The following MMP23B variants were observed in gnomAD, a reference collection of about 807,000 sequenced individuals.
The protein encoded by MMP23B is matrix metallopeptidase 23B.
Under a neutral mutation model 17.3 loss-of-function variants are expected in MMP23B, and 8 were observed. The ratio of observed to expected loss-of-function variants is 0.46; its 90% CI spans 0.27 to 0.83. The LOEUF (loss-of-function observed/expected upper bound fraction) is 0.83. Among genes scored for constraint, MMP23B ranks in the 40% least tolerant of loss-of-function variants. The pLI is 0.14. For missense variants in MMP23B, 154 were observed against 246.2 expected, an observed-to-expected ratio of 0.63 and a Z score of 2.51; for synonymous variants, 86 against 116.5, an observed-to-expected ratio of 0.74 and a Z score of 1.69.
intron 1 of MMP23B, 70 bp from the exon 2 acceptor site, chr1:1,632,713 A>G: frequency 4.0e-6 from 1 of 252,126 alleles, no homozygotes; most frequent in Non-Finnish European, 7.0e-6. Flanking sequence ...CTTCCAGTCC[A>G]TTTTCCGCGG....
intron 1 of MMP23B, 127 bp from the exon 2 acceptor site, chr1:1,632,628 TAGGAGACCCGAAACCACAGGCAGACAGG>T (rs1419158114): frequency 3.1e-6 from 1 of 319,686 alleles, no homozygotes; most frequent in African/African-American, 2.6e-5. Context: ...GCGCTCAGGT[TAGGAGACCCGAAACCACAGGCAGACAGG>T]ACCCGCCACG....
rs912489128 is a variant in MMP23B, at chr1:1,632,351, G to A, written c.133G>A (p.Val45Met). 2 of 1,391,246 alleles carry A rather than the reference G, an allele frequency of 1.4e-6. No homozygotes were observed. The highest frequency in any genetic ancestry group is 3.5e-5 in the Admixed American group (1 of 28,760). 86.2% of individuals were successfully genotyped at this position (1,391,246 alleles called of 1,614,324 possible). A position where few individuals can be genotyped will look rare whatever the true frequency, so the allele number is the denominator to read the frequency against. Residue 45 changes from valine to methionine, a missense_variant, in exon 1 of 8, where the codon GTG (valine) becomes ATG (methionine). Coordinates refer to ENST00000356026, the MANE Select transcript of MMP23B (RefSeq NM_006983.2). ...VLLARLGAPA[V>M]PAWSAAQGDV... The stretch of plus-strand genomic sequence containing the variant: ...GCTGGCCCGGCTGGGGGCCCCGGCG[G>A]TGCCGGCCTGGAGCGCAGCGCAGGT...
In MMP23B at chr1:1,632,200, GC is replaced by G; in HGVS notation, c.-15del. On this transcript the variant is annotated 5_prime_UTR_variant, in exon 1 of 8. Transcript: ENST00000356026. Reference sequence around the variant, plus strand: ...GCCTTGCTGCCCCATGCAGCCCTGAGCCCCACAGCAAGTCTGCCATGGGCCG... The same window carrying G: ...GCCTTGCTGCCCCATGCAGCCCTGAGCCCACAGCAAGTCTGCCATGGGCCG... The G allele has an allele frequency of 7.7e-7, 1 of 1,295,442 alleles. No individual in the cohort carries two copies. Among genetic ancestry groups the G allele is most frequent in the South Asian group, 2.6e-5 (1 of 38,874 alleles). The allele number at this position is 1,295,442 out of a possible 1,614,324, so 80.2% of individuals were successfully genotyped here.
chr1:1,632,341 G>T lies in MMP23B; in HGVS notation c.123G>T (p.Gly41=). ...LPALVLLARL[G]APAVPAWSAA... ...CGCTGGTGCTGCTGGCCCGGCTGGGGGCCCCGGCGGTGCCGGCCTGGAGCG... is the reference window on the plus strand; with the variant it reads ...CGCTGGTGCTGCTGGCCCGGCTGGGTGCCCCGGCGGTGCCGGCCTGGAGCG... The change falls in exon 1 of 8, where the codon GGG becomes GGT. Residue 41 remains glycine, a synonymous_variant. Transcript: ENST00000356026. 1.4e-6 allele frequency: 2 copies of T among 1,404,226 alleles called. No homozygotes were observed. The highest frequency in any genetic ancestry group is 1.8e-6 in the Non-Finnish European group (2 of 1,088,064). The allele number at this position is 1,404,226 out of a possible 1,614,324, so 87.0% of individuals were successfully genotyped here.
At position 1,634,086 on chromosome 1, in the gene MMP23B, C is replaced by G. The variant is rs1639059768; in HGVS notation, c.858C>G (p.Cys286Trp). 1 of 881,782 alleles carries G rather than the reference C, an allele frequency of 1.1e-6. No homozygotes were observed. Among genetic ancestry groups the G allele is most frequent in the Non-Finnish European group, 1.7e-6 (1 of 598,770 alleles). The allele number at this position is 881,782 out of a possible 1,614,324, so 54.6% of individuals were successfully genotyped here. A position where few individuals can be genotyped will look rare whatever the true frequency, so the allele number is the denominator to read the frequency against. The change falls in exon 6 of 8, where the codon TGC becomes TGG. Residue 286 changes from cysteine (C) to tryptophan (W), a missense_variant. Cys to Trp is a radical substitution (Grantham distance 215). This residue lies in a region of MMP23B where 24 missense variants were observed against 96.7 expected (regional missense o/e 0.25). Transcript: ENST00000356026. Reference protein sequence around the residue: ...RLMKRLCPSSCDFCYEFPFPT... With the variant: ...RLMKRLCPSSWDFCYEFPFPT... ...TGAAGAGGCTCTGCCCCAGCAGCTG[C>G]GACTTCTGCTACGGTGATGCCCACG...
In MMP23B at chr1:1,632,740, G is replaced by A. The variant is rs1444293572; in HGVS notation, c.157-43G>A. ...TTTCCGCGGCAGTTTTTGGTCCTGG[G>A]GACCGTCACCGATGCCTCCCACGCA... On this transcript the variant is annotated intron_variant, in intron 1 of 7. Transcript: ENST00000356026. The A allele has an allele frequency of 3.4e-5, 8 of 234,130 alleles. No homozygotes were observed. The African/African-American group carries it at 3.7e-4, about 11-fold the overall frequency. The allele number at this position is 234,130 out of a possible 1,614,324, so 14.5% of individuals were successfully genotyped here.
Position 1,632,347 on chromosome 1 carries a change from G to C in MMP23B, c.129G>C (p.Pro43=), listed in dbSNP as rs1242871556. ...TGCTGCTGGCCCGGCTGGGGGCCCC[G>C]GCGGTGCCGGCCTGGAGCGCAGCGC... ...ALVLLARLGA[P]AVPAWSAAQG... is the part of the protein sequence containing the mutation. The change falls in exon 1 of 8, where the codon CCG becomes CCC. Residue 43 remains proline, a synonymous_variant. Coordinates refer to ENST00000356026, the MANE Select transcript of MMP23B (RefSeq NM_006983.2). 2 of 1,393,444 alleles carry C rather than the reference G, an allele frequency of 1.4e-6. No individual in the cohort carries two copies. The highest frequency in any genetic ancestry group is 3.4e-5 in the Admixed American group (1 of 29,576). The allele number at this position is 1,393,444 out of a possible 1,614,324, so 86.3% of individuals were successfully genotyped here.
In MMP23B at chr1:1,632,234, C is replaced by T. The variant is rs906097776; in HGVS notation, c.16C>T (p.Arg6Cys). The change falls in exon 1 of 8, where the codon CGT becomes TGT. Residue 6 changes from arginine (R) to cysteine (C), a missense_variant. Coordinates refer to ENST00000356026, the MANE Select transcript of MMP23B (RefSeq NM_006983.2). ...CAAGTCTGCCATGGGCCGCGGGGCC[C>T]GTGTCCCCTCGGAGGCCCCGGGGGC... MGRGA[R>C]VPSEAPGAGV... 154 of 1,338,228 alleles carry T rather than the reference C, an allele frequency of 1.2e-4. 1 individual carries two copies. The highest frequency in any genetic ancestry group is 1.8e-4 in the African/African-American group (12 of 65,054). The allele number at this position is 1,338,228 out of a possible 1,614,324, so 82.9% of individuals were successfully genotyped here.
chr1:1,632,297 G>C lies in MMP23B; in HGVS notation c.79G>C (p.Ala27Pro). Residue 27 changes from alanine (A) to proline (P), a missense_variant, in exon 1 of 8, where the codon GCC becomes CCC. This residue lies in a region of MMP23B where 129 missense variants were observed against 83.5 expected (regional missense o/e 1.54). Transcript: ENST00000356026. ...ERRWLGAALV[A>P]LCLLPALVLL... is the part of the protein sequence containing the mutation. ...CCGCTGGCTTGGAGCCGCGCTGGTC[G>C]CCCTGTGCCTCCTCCCCGCGCTGGT... 3 of 1,420,164 alleles carry C rather than the reference G, an allele frequency of 2.1e-6. No homozygotes were observed. Among genetic ancestry groups the C allele is most frequent in the Non-Finnish European group, 2.7e-6 (3 of 1,092,184 alleles). The allele number at this position is 1,420,164 out of a possible 1,614,324, so 88.0% of individuals were successfully genotyped here. A position where few individuals can be genotyped will look rare whatever the true frequency, so the allele number is the denominator to read the frequency against.
At chr1:1,632,401 C>A (rs1269018389) in intron 1 of MMP23B, 27 bp downstream of exon 1, 1 of 1,372,258 alleles carries the variant, frequency 7.3e-7, no homozygotes, top group Non-Finnish European at 9.4e-7. Context: ...AGGCCAGGTG[C>A]CGGGTTGGGG....
At position 1,632,312 on chromosome 1, in the gene MMP23B, C is replaced by T; in HGVS notation, c.94C>T (p.Pro32Ser). ...CGCGCTGGTCGCCCTGTGCCTCCTCCCCGCGCTGGTGCTGCTGGCCCGGCT... is the reference window on the plus strand; with the variant it reads ...CGCGCTGGTCGCCCTGTGCCTCCTCTCCGCGCTGGTGCTGCTGGCCCGGCT... Reference protein sequence around the residue: ...GAALVALCLLPALVLLARLGA... With the variant: ...GAALVALCLLSALVLLARLGA... Residue 32 changes from proline to serine, a missense_variant, in exon 1 of 8, where the codon CCC (proline) becomes TCC (serine). Physicochemically the swap from Pro to Ser is moderately conservative, Grantham distance 74. Transcript: ENST00000356026. The T allele has an allele frequency of 7.0e-7, 1 of 1,433,518 alleles. No individual in the cohort carries two copies. The highest frequency in any genetic ancestry group is 2.8e-5 in the Admixed American group (1 of 36,292). The allele number at this position is 1,433,518 out of a possible 1,614,324, so 88.8% of individuals were successfully genotyped here.
intron 1 of MMP23B, 24 bp downstream of exon 1, chr1:1,632,398 G>C (rs1387416012): frequency 8.7e-6 from 12 of 1,376,818 alleles, no homozygotes; most frequent in African/African-American, 3.0e-5. Context: ...GGGAGGCCAG[G>C]TGCCGGGTTG....
chr1:1,632,401 C>T, intron 1 of MMP23B, 27 bp downstream of exon 1: 1 of 1,372,258 alleles, frequency 7.3e-7, no homozygotes, highest in Non-Finnish European at 9.4e-7. Flanking sequence ...AGGCCAGGTG[C>T]CGGGTTGGGG....
At position 1,632,231 on chromosome 1, in the gene MMP23B, G is replaced by T; in HGVS notation, c.13G>T (p.Ala5Ser). ...CAGCAAGTCTGCCATGGGCCGCGGG[G>T]CCCGTGTCCCCTCGGAGGCCCCGGG... is the stretch of plus-strand genomic sequence containing the variant. MGRG[A>S]RVPSEAPGAG... Residue 5 changes from alanine (A) to serine (S), a missense_variant, in exon 1 of 8, where the codon GCC becomes TCC. This residue lies in a region of MMP23B where 129 missense variants were observed against 83.5 expected (regional missense o/e 1.54). Coordinates refer to ENST00000356026, the MANE Select transcript of MMP23B (RefSeq NM_006983.2). 7.5e-7 allele frequency: 1 copy of T among 1,334,776 alleles called. No individual in the cohort carries two copies. Among genetic ancestry groups the T allele is most frequent in the Non-Finnish European group, 9.5e-7 (1 of 1,051,062 alleles). The allele number at this position is 1,334,776 out of a possible 1,614,324, so 82.7% of individuals were successfully genotyped here.
Position 1,632,245 on chromosome 1 carries a change from G to A in MMP23B, c.27G>A (p.Ser9=). The change falls in exon 1 of 8, where the codon TCG becomes TCA. Residue 9 remains serine (S), a synonymous_variant. Transcript: ENST00000356026. ...TGGGCCGCGGGGCCCGTGTCCCCTC[G>A]GAGGCCCCGGGGGCAGGCGTCGAGC... The part of the protein sequence containing the change: MGRGARVP[S]EAPGAGVERR... 1 of 1,345,258 alleles carries A rather than the reference G, an allele frequency of 7.4e-7. No individual in the cohort carries two copies. 83.3% of individuals were successfully genotyped at this position (1,345,258 alleles called of 1,614,324 possible).
chr1:1,632,793 C>T lies in MMP23B; in HGVS notation c.167C>T (p.Ala56Val). 1.0e-5 allele frequency: 2 copies of T among 200,800 alleles called. No individual in the cohort carries two copies. The highest frequency in any genetic ancestry group is 2.8e-5 in the South Asian group (1 of 35,418). 12.4% of individuals were successfully genotyped at this position (200,800 alleles called of 1,614,324 possible). ...CTTTCTTCCCTGAAGGGAGACGTCG[C>T]TGCGCTGGGCCTCTCGGCGGTCCCC... ...PAWSAAQGDV[A>V]ALGLSAVPPT... is the part of the protein sequence containing the mutation. The change falls in exon 2 of 8, where the codon GCT becomes GTT. Residue 56 changes from alanine to valine, a missense_variant. Physicochemically the swap from Ala to Val is moderately conservative, Grantham distance 64 (BLOSUM62 0). Coordinates refer to ENST00000356026, the MANE Select transcript of MMP23B (RefSeq NM_006983.2).
In MMP23B at chr1:1,632,324, C is replaced by T. The variant is rs1168869026; in HGVS notation, c.106C>T (p.Leu36=). The change falls in exon 1 of 8, where the codon CTG becomes TTG. Residue 36 remains leucine (L), a synonymous_variant. Coordinates refer to ENST00000356026, the MANE Select transcript of MMP23B (RefSeq NM_006983.2). The part of the protein sequence containing the change: ...VALCLLPALV[L]LARLGAPAVP... Reference sequence around the variant, plus strand: ...CCTGTGCCTCCTCCCCGCGCTGGTGCTGCTGGCCCGGCTGGGGGCCCCGGC... The same window carrying T: ...CCTGTGCCTCCTCCCCGCGCTGGTGTTGCTGGCCCGGCTGGGGGCCCCGGC... 2 of 1,428,158 alleles carry T rather than the reference C, an allele frequency of 1.4e-6. No individual in the cohort carries two copies. The highest frequency in any genetic ancestry group is 3.0e-5 in the East Asian group (1 of 33,414). 88.5% of individuals were successfully genotyped at this position (1,428,158 alleles called of 1,614,324 possible). A position where few individuals can be genotyped will look rare whatever the true frequency, so the allele number is the denominator to read the frequency against.
In MMP23B at chr1:1,632,413, G is replaced by T. The variant is rs544693417; in HGVS notation, c.156+39G>T. 4 of 1,349,574 alleles carry T rather than the reference G, an allele frequency of 3.0e-6. No homozygotes were observed. In the East Asian group the frequency reaches 1.1e-4, roughly 38 times the overall value. 83.6% of individuals were successfully genotyped at this position (1,349,574 alleles called of 1,614,324 possible). ...GGGAGGCCAGGTGCCGGGTTGGGGG[G>T]GTCCTCACGTCTGTGGGTCTGGTCT... On this transcript the variant is annotated intron_variant, in intron 1 of 7. Coordinates refer to ENST00000356026, the MANE Select transcript of MMP23B (RefSeq NM_006983.2).
Position 1,632,320 on chromosome 1 carries a change from G to C in MMP23B, c.102G>C (p.Leu34=), listed in dbSNP as rs1479014097. The C allele has an allele frequency of 2.1e-6, 3 of 1,431,388 alleles. No homozygotes were observed. The highest frequency in any genetic ancestry group is 2.7e-6 in the Non-Finnish European group (3 of 1,099,250). The allele number at this position is 1,431,388 out of a possible 1,614,324, so 88.7% of individuals were successfully genotyped here. A position where few individuals can be genotyped will look rare whatever the true frequency, so the allele number is the denominator to read the frequency against. The change falls in exon 1 of 8, where the codon CTG becomes CTC. Residue 34 remains leucine (L), a synonymous_variant. Coordinates refer to ENST00000356026, the MANE Select transcript of MMP23B (RefSeq NM_006983.2). The part of the protein sequence containing the change: ...ALVALCLLPA[L]VLLARLGAPA... ...TCGCCCTGTGCCTCCTCCCCGCGCTGGTGCTGCTGGCCCGGCTGGGGGCCC... is the reference window on the plus strand; with the variant it reads ...TCGCCCTGTGCCTCCTCCCCGCGCTCGTGCTGCTGGCCCGGCTGGGGGCCC...
Sources: gnomAD v4.1 joint callset for allele counts on GRCh38, gnomAD v4.1.1 for gene constraint, gnomAD v4.1.1 regional missense constraint, MANE v1.5 for transcripts, NCBI Gene and HGNC (gene_info 2026-07-23, HGNC 2026-07-21) for gene names.